The following RIMS2 variants were observed in gnomAD, a reference collection of about 807,000 sequenced individuals.
RIMS2 encodes regulating synaptic membrane exocytosis protein 2.
A neutral mutation model predicts 174.4 loss-of-function variants in RIMS2; 59 were observed. The observed-to-expected ratio is 0.34, with a 90% CI of 0.27 to 0.42. The LOEUF (loss-of-function observed/expected upper bound fraction) is 0.42. Among genes scored for constraint, RIMS2 ranks in the 10% least tolerant of loss-of-function variants. RIMS2 has a pLI of 1.00. For synonymous variants in RIMS2, 606 were observed against 572.5 expected, an observed-to-expected ratio of 1.06 and a Z score of -0.84; for missense variants, 1,620 against 1,666.3, an observed-to-expected ratio of 0.97 and a Z score of 0.48.
At chr8:104,054,030 C>G (rs1040058346) in intron 19 of RIMS2, among the ~76,000 whole-genome samples, 2 of 152,080 alleles carry the variant, frequency 1.3e-5, no homozygotes, top group African/African-American at 4.8e-5. Flanking sequence ...CAAGTTTTCA[C>G]ACAAGGGCAT....
chr8:103,949,467 A>G (rs1302012674), intron 14 of RIMS2, among the ~76,000 whole-genome samples: 1 of 152,202 alleles, frequency 6.6e-6, no homozygotes, highest in African/African-American at 2.4e-5. Context: ...ATAGAAATAA[A>G]TTAGAAATCA....
At chr8:104,217,777 T>C (rs184807425) in intron 19 of RIMS2, among the ~76,000 whole-genome samples, 1 of 152,338 alleles carries the variant, frequency 6.6e-6, no homozygotes, top group East Asian at 1.9e-4. Context: ...TTGGATTTCA[T>C]ATTCACATCA....
intron 1 of RIMS2, among the ~76,000 whole-genome samples, chr8:103,608,653 C>T (rs1349362396): frequency 2.1e-4 from 32 of 149,690 alleles, no homozygotes; most frequent in African/African-American, 5.9e-4. Context: ...ACTCCGTGGG[C>T]GTAGGACCCT....
At chr8:103,863,643 T>C (rs2099069937) in intron 3 of RIMS2, among the ~76,000 whole-genome samples, 1 of 152,086 alleles carries the variant, frequency 6.6e-6, no homozygotes, top group Non-Finnish European at 1.5e-5. Flanking sequence ...TCTGGTCTGT[T>C]CAGGATTTAA....
intron 19 of RIMS2, among the ~76,000 whole-genome samples, chr8:104,191,475 T>C (rs115926457): frequency 0.014 from 2,185 of 152,128 alleles, 62 homozygotes; most frequent in African/African-American, 0.05. Context: ...ATAGAGTGAG[T>C]TCTATGCCTT....
intron 3 of RIMS2, among the ~76,000 whole-genome samples, chr8:103,869,310 C>A (rs1465434795): frequency 6.6e-6 from 1 of 152,018 alleles, no homozygotes; most frequent in East Asian, 1.9e-4. Flanking sequence ...AGTCTCCTGC[C>A]TCAGCCTCCT....
intron 17 of RIMS2, among the ~76,000 whole-genome samples, chr8:103,992,286 T>C (rs981830940): frequency 2.0e-5 from 3 of 149,170 alleles, no homozygotes; most frequent in Non-Finnish European, 4.5e-5. Context: ...TTTTTTTTTT[T>C]TTTTTTTTTT....
intron 1 of RIMS2, among the ~76,000 whole-genome samples, chr8:103,684,641 C>T (rs1004811484): frequency 1.3e-5 from 2 of 151,202 alleles, no homozygotes; most frequent in East Asian, 1.9e-4. Flanking sequence ...GGTTGGAGTG[C>T]AGTGGTGTGA....
chr8:103,648,414 T>C (rs1238790259), intron 1 of RIMS2, among the ~76,000 whole-genome samples: 3 of 152,192 alleles, frequency 2.0e-5, no homozygotes, highest in Admixed American at 6.5e-5. Flanking sequence ...AGAATGTATA[T>C]TCTGTTCTTT....
Position 104,194,280 on chromosome 8 carries a change from T to C in RIMS2, c.3335-50636T>C, listed in dbSNP as rs2099012642. Among the ~76,000 whole-genome samples, 2 of 152,164 alleles carry C rather than the reference T, an allele frequency of 1.3e-5. 1 individual carries two copies. The highest frequency in any genetic ancestry group is 1.3e-4 in the Admixed American group (2 of 15,264). ...TGTGTTGGGGCAAGCTTTCTGCAAA[T>C]AGTTTACCAAAATTATGAGCAATTA... On this transcript the variant is annotated intron_variant, in intron 19 of 23. Transcript: ENST00000504942.
intron 1 of RIMS2, 21 bp downstream of exon 3, chr8:103,652,731 A>G (rs764285176): frequency 3.9e-6 from 5 of 1,268,044 alleles, no homozygotes; most frequent in Middle Eastern, 2.2e-4. Flanking sequence ...TGATCTATAT[A>G]GACTAAATAT....
At position 103,811,778 on chromosome 8, in the gene RIMS2, G is replaced by A. The variant is rs78398701; in HGVS notation, c.698+45241G>A. Among the ~76,000 whole-genome samples, 1,034 of 152,320 alleles carry A rather than the reference G, an allele frequency of 6.8e-3. 4 individuals are homozygous for A. Among genetic ancestry groups the A allele is most frequent in the Non-Finnish European group, 0.011 (777 of 68,036 alleles). ...GGTTTTAGGTGTGGGAACTGCTCTT[G>A]CAAAACCTGCTTTTGCACTGGATTA... On this transcript the variant is annotated intron_variant, in intron 3 of 23. Coordinates refer to ENST00000504942, the Ensembl canonical transcript of RIMS2.
chr8:104,041,090 C>T (rs887534120), intron 19 of RIMS2, among the ~76,000 whole-genome samples: 14 of 151,668 alleles, frequency 9.2e-5, no homozygotes, highest in African/African-American at 3.4e-4. Flanking sequence ...TTTATTTCTA[C>T]ACTAACTTTA....
intron 3 of RIMS2, among the ~76,000 whole-genome samples, chr8:103,822,943 G>A (rs375788044): frequency 2.8e-4 from 43 of 151,960 alleles, no homozygotes; most frequent in African/African-American, 9.6e-4. Flanking sequence ...ATATTGAGAC[G>A]CTAGAAGATA....
chr8:103,598,143 C>T (rs1480439467), intron 1 of RIMS2, among the ~76,000 whole-genome samples: 3 of 152,082 alleles, frequency 2.0e-5, no homozygotes, highest in Non-Finnish European at 4.4e-5. Flanking sequence ...CATAGAAAGC[C>T]TTGGAAGAAT....
chr8:103,600,878 G>T (rs1326615571), intron 1 of RIMS2, among the ~76,000 whole-genome samples: 8 of 151,950 alleles, frequency 5.3e-5, no homozygotes, highest in Admixed American at 1.3e-4. Context: ...CTGCCTTTTG[G>T]ATATAAGCCA....
intron 3 of RIMS2, among the ~76,000 whole-genome samples, chr8:103,777,853 T>G (rs1210239583): frequency 6.6e-6 from 1 of 151,974 alleles, no homozygotes; most frequent in Non-Finnish European, 1.5e-5. Context: ...AAATAGAATT[T>G]TGTTTCATGC....
intron 1 of RIMS2, among the ~76,000 whole-genome samples, chr8:103,612,578 T>G (rs1450346351): frequency 6.6e-6 from 1 of 150,992 alleles, no homozygotes; most frequent in African/African-American, 2.4e-5. Context: ...TCTTGTTCCT[T>G]TTCTTTTTTT....
At chr8:104,024,704 A>G (rs1042945212) in intron 19 of RIMS2, among the ~76,000 whole-genome samples, 7 of 152,220 alleles carry the variant, frequency 4.6e-5, no homozygotes, top group Non-Finnish European at 1.0e-4. Flanking sequence ...AAAAAATAAT[A>G]TAATGATAAG....
Sources: allele counts gnomAD v4.1 joint callset (sites outside exome capture counted in the v4.1 genomes callset), GRCh38; gene constraint gnomAD v4.1.1; transcripts MANE v1.5; gene names NCBI Gene and HGNC (gene_info 2026-07-23, HGNC 2026-07-21).